The following ENOX1 variants were observed in gnomAD, a reference collection of about 807,000 sequenced individuals.
ENOX1 encodes the protein ecto-NOX disulfide-thiol exchanger 1.
ENOX1 carries 42 observed loss-of-function variants against 82.5 expected under a neutral mutation model. The ratio of observed to expected loss-of-function variants is 0.51; its 90% CI spans 0.40 to 0.66. ENOX1 has a LOEUF of 0.66. Among genes scored for constraint, ENOX1 ranks in the 30% least tolerant of loss-of-function variants. The probability of loss-of-function intolerance (pLI) is 0.00; values close to 1 mark genes in which losing one functional copy is unlikely to be tolerated. For synonymous variants in ENOX1, 271 were observed against 282.2 expected (o/e 0.96, Z 0.40); for missense variants, 608 against 811.6 (o/e 0.75, Z 3.05).
chr13:43,754,211 A>G lies in ENOX1; in HGVS notation c.-285+32441T>C, dbSNP rs1013532911. Reference sequence around the variant, plus strand: ...TATATATACATATGTATATGTATATATGTGTGTACATACATGTGTATACAT... The same window carrying G: ...TATATATACATATGTATATGTATATGTGTGTGTACATACATGTGTATACAT... On this transcript the variant is annotated intron_variant, in intron 1 of 16. Coordinates refer to ENST00000690772, the MANE Select transcript of ENOX1 (RefSeq NM_001347969.2). Among the ~76,000 whole-genome samples, 5 of 148,454 alleles carry G rather than the reference A, an allele frequency of 3.4e-5. No homozygotes were observed. The South Asian group carries it at 8.4e-4, about 25-fold the overall frequency.
intron 2 of ENOX1, among the ~76,000 whole-genome samples, chr13:43,590,812 A>T (rs540982550): frequency 6.6e-6 from 1 of 151,818 alleles, no homozygotes; most frequent in Non-Finnish European, 1.5e-5. Context: ...CCTATGTATC[A>T]AAAGATAAAG....
intron 5 of ENOX1, among the ~76,000 whole-genome samples, chr13:43,410,625 T>TACAC (rs60371956): frequency 0.05 from 7,288 of 146,850 alleles, 252 homozygotes; most frequent in African/African-American, 0.099. Flanking sequence ...TACACACATG[T>TACAC]ACACACACAC....
intron 12 of ENOX1, among the ~76,000 whole-genome samples, chr13:43,270,974 T>C (rs775807554): frequency 2.3e-4 from 35 of 152,198 alleles, no homozygotes; most frequent in Non-Finnish European, 4.7e-4. Context: ...GCACCTACAT[T>C]GTGTCCAGAC....
At chr13:43,701,878 G>A (rs1038987281) in intron 1 of ENOX1, among the ~76,000 whole-genome samples, 12 of 152,260 alleles carry the variant, frequency 7.9e-5, no homozygotes, top group African/African-American at 2.6e-4. Context: ...ACATGTGTAT[G>A]TATGTATGTA....
intron 3 of ENOX1, among the ~76,000 whole-genome samples, chr13:43,456,400 G>T (rs2057231443): frequency 6.6e-6 from 1 of 151,988 alleles, no homozygotes; most frequent in Non-Finnish European, 1.5e-5. Context: ...TAAAAACAGT[G>T]GGTCTAGTTT....
chr13:43,238,728 A>C (rs2042670738), intron 14 of ENOX1, among the ~76,000 whole-genome samples: 1 of 152,198 alleles, frequency 6.6e-6, no homozygotes, highest in Non-Finnish European at 1.5e-5. Context: ...GAGTGGAAAT[A>C]ATATCTCCAA....
At chr13:43,462,278 A>G (rs2057521153) in intron 3 of ENOX1, among the ~76,000 whole-genome samples, 1 of 152,244 alleles carries the variant, frequency 6.6e-6, no homozygotes, top group African/African-American at 2.4e-5. Context: ...TCAGAATTTA[A>G]GAATTTCTGC....
chr13:43,440,238 A>T lies in ENOX1; in HGVS notation c.-74-27250T>A, dbSNP rs1391696715. Among the ~76,000 whole-genome samples the T allele has an allele frequency of 2.0e-5, 3 of 152,306 alleles. No individual in the cohort carries two copies. The East Asian group carries it at 5.8e-4, about 29-fold the overall frequency. ...GCTTTCCTGTCATTTATATCTAATGATCAATTCTAACAGTTAGACAAAAAA... is the reference window on the plus strand; with the variant it reads ...GCTTTCCTGTCATTTATATCTAATGTTCAATTCTAACAGTTAGACAAAAAA... On this transcript the variant is annotated intron_variant, in intron 3 of 16. Coordinates refer to ENST00000690772, the MANE Select transcript of ENOX1 (RefSeq NM_001347969.2).
chr13:43,221,647 T>C (rs1230358414), intron 16 of ENOX1, among the ~76,000 whole-genome samples: 1 of 152,166 alleles, frequency 6.6e-6, no homozygotes, highest in African/African-American at 2.4e-5. Context: ...AATATGCAAA[T>C]ATCAACAGCA....
chr13:43,502,294 T>G (rs2077009007), intron 2 of ENOX1, among the ~76,000 whole-genome samples: 1 of 151,544 alleles, frequency 6.6e-6, no homozygotes, highest in Non-Finnish European at 1.5e-5. Flanking sequence ...TATCAAACAT[T>G]TAAAGAATGA....
At position 43,470,259 on chromosome 13, in the gene ENOX1, T is replaced by C. The variant is rs553823942; in HGVS notation, c.-75+13750A>G. On this transcript the variant is annotated intron_variant, in intron 3 of 16. Coordinates refer to ENST00000690772, the MANE Select transcript of ENOX1 (RefSeq NM_001347969.2). ...GTGTGTATATATATACATATATATATACATATATATACACATATATATACA... is the reference window on the plus strand; with the variant it reads ...GTGTGTATATATATACATATATATACACATATATATACACATATATATACA... Among the ~76,000 whole-genome samples, 13 of 60,176 alleles carry C rather than the reference T, an allele frequency of 2.2e-4. 2 individuals carry two copies. The highest frequency in any genetic ancestry group is 2.7e-4 in the Non-Finnish European group (6 of 22,244). The allele number at this position is 60,176 out of a possible 152,430, so 39.5% of individuals were successfully genotyped here.
intron 2 of ENOX1, among the ~76,000 whole-genome samples, chr13:43,557,983 T>C (rs2079515600): frequency 6.6e-6 from 1 of 152,192 alleles, no homozygotes; most frequent in African/African-American, 2.4e-5. Flanking sequence ...TTAAGAAGTT[T>C]AAGCAAATCT....
intron 2 of ENOX1, 49 bp downstream of exon 2, chr13:43,667,430 G>A (rs1226991140): frequency 1.0e-6 from 1 of 982,966 alleles, no homozygotes; most frequent in Non-Finnish European, 1.2e-6. Context: ...TTCCCATATG[G>A]TGACAACCAA....
intron 1 of ENOX1, among the ~76,000 whole-genome samples, chr13:43,674,570 G>A (rs2085417323): frequency 1.3e-5 from 2 of 152,138 alleles, no homozygotes; most frequent in African/African-American, 4.8e-5. Flanking sequence ...TGGCTGCCAG[G>A]GGTTGTGGGG....
intron 3 of ENOX1, among the ~76,000 whole-genome samples, chr13:43,452,092 C>T (rs2056998520): frequency 6.6e-6 from 1 of 151,182 alleles, no homozygotes; most frequent in Non-Finnish European, 1.5e-5. Flanking sequence ...AAATGCTTCA[C>T]CACAGCAGGG....
intron 13 of ENOX1, among the ~76,000 whole-genome samples, chr13:43,269,050 AG>A (rs1400580717): frequency 6.6e-6 from 1 of 152,224 alleles, no homozygotes; most frequent in Non-Finnish European, 1.5e-5. Context: ...TGCACAGGGA[AG>A]ATACTTTTTA....
At chr13:43,292,694 T>C (rs2046067162) in intron 12 of ENOX1, among the ~76,000 whole-genome samples, 1 of 151,958 alleles carries the variant, frequency 6.6e-6, no homozygotes, top group Non-Finnish European at 1.5e-5. Flanking sequence ...TTTCTAATCA[T>C]TAAAAGCACC....
chr13:43,265,475 C>G, intron 13 of ENOX1, 21 bp from the exon 14 acceptor site: 7 of 1,603,582 alleles, frequency 4.4e-6, no homozygotes, highest in Non-Finnish European at 6.0e-6. Flanking sequence ...TAAGGAAAAA[C>G]AACACAAAAC....
At chr13:43,386,442 A>G (rs1382068725) in intron 5 of ENOX1, among the ~76,000 whole-genome samples, 2 of 152,198 alleles carry the variant, frequency 1.3e-5, no homozygotes. Context: ...CAGCCTGGGA[A>G]CACTCTTCTA....
Sources: gnomAD v4.1 joint callset for allele counts (sites outside exome capture counted in the v4.1 genomes callset) on GRCh38, gnomAD v4.1.1 for gene constraint, MANE v1.5 for transcripts, NCBI Gene and HGNC (gene_info 2026-07-23, HGNC 2026-07-21) for gene names.